ROBO1: variants seen among roughly 807,000 people sequenced by gnomAD.
ROBO1 encodes roundabout guidance receptor 1.
ROBO1 carries 149 observed loss-of-function variants against 195.9 expected under a neutral mutation model. That is an observed-to-expected ratio of 0.76 (90% CI 0.67 to 0.87). The LOEUF (loss-of-function observed/expected upper bound fraction) is 0.87. Ranked by LOEUF, ROBO1 falls within the 40% of genes least tolerant of loss-of-function variation. The pLI is 0.00. For synonymous variants in ROBO1, 816 were observed against 733.2 expected, an observed-to-expected ratio of 1.11 and a Z score of -1.82; for missense variants, 1,933 against 2,068.3, an observed-to-expected ratio of 0.93 and a Z score of 1.27.
rs148151926 is a variant in ROBO1 at position 78,651,619 on chromosome 3, T to C, written c.2812+113A>G. 405 of 786,130 alleles carry C rather than the reference T, an allele frequency of 5.2e-4. 2 individuals carry two copies. The highest frequency in any genetic ancestry group is 6.7e-4 in the Non-Finnish European group (349 of 524,306). The allele number at this position is 786,130 out of a possible 1,614,324, so 48.7% of individuals were successfully genotyped here. ...ATAAACGCACTTTTGAAAATCTTTATATATTAAAACAAGTTTTAGAGGATA... is the reference window on the plus strand; with the variant it reads ...ATAAACGCACTTTTGAAAATCTTTACATATTAAAACAAGTTTTAGAGGATA... On this transcript the variant is annotated intron_variant, in intron 19 of 30. Coordinates refer to ENST00000464233, the MANE Select transcript of ROBO1 (RefSeq NM_002941.4).
chr3:79,083,067 C>A (rs2079303683), intron 3 of ROBO1, among the ~76,000 whole-genome samples: 1 of 152,008 alleles, frequency 6.6e-6, no homozygotes, highest in South Asian at 2.1e-4. Flanking sequence ...TGTGGTGGTG[C>A]ATGCCTGTAG....
At chr3:79,322,661 T>C (rs1405292951) in intron 2 of ROBO1, among the ~76,000 whole-genome samples, 1 of 152,234 alleles carries the variant, frequency 6.6e-6, no homozygotes, top group African/African-American at 2.4e-5. Context: ...CTAATAATAG[T>C]AACCATTTGG....
intron 1 of ROBO1, among the ~76,000 whole-genome samples, chr3:79,609,230 T>G (rs1944581652): frequency 6.6e-6 from 1 of 151,810 alleles, no homozygotes; most frequent in Admixed American, 6.6e-5. Context: ...ATCACCATTT[T>G]CTACCACAAG....
intron 2 of ROBO1, among the ~76,000 whole-genome samples, chr3:79,173,024 G>T (rs1344960451): frequency 1.3e-5 from 2 of 152,152 alleles, no homozygotes; most frequent in African/African-American, 4.8e-5. Flanking sequence ...TAACACTGAA[G>T]GCTCTTTAAG....
intron 2 of ROBO1, among the ~76,000 whole-genome samples, chr3:79,414,134 A>AG (rs1377050346): frequency 1.3e-5 from 2 of 151,848 alleles, no homozygotes; most frequent in African/African-American, 2.4e-5. Context: ...AACTTTTCTT[A>AG]GGACTTATTC....
chr3:79,329,301 A>G (rs1427350427), intron 2 of ROBO1, among the ~76,000 whole-genome samples: 2 of 152,084 alleles, frequency 1.3e-5, no homozygotes, highest in African/African-American at 4.8e-5. Flanking sequence ...TCTCTCAAAC[A>G]TTTCTCAAGT....
intron 8 of ROBO1, among the ~76,000 whole-genome samples, chr3:78,698,169 T>C (rs752414756): frequency 2.6e-5 from 4 of 152,118 alleles, no homozygotes; most frequent in Non-Finnish European, 5.9e-5. Context: ...AAATAAAAAC[T>C]TTTGGAAGAA....
chr3:79,730,729 A>C (rs1490996767), intron 1 of ROBO1, among the ~76,000 whole-genome samples: 1 of 148,042 alleles, frequency 6.8e-6, no homozygotes, highest in Non-Finnish European at 1.5e-5. Context: ...TGAAACAGTA[A>C]TTTGTAATCA....
intron 5 of ROBO1, among the ~76,000 whole-genome samples, chr3:78,743,030 T>C (rs1028016948): frequency 6.6e-6 from 1 of 152,142 alleles, no homozygotes; most frequent in African/African-American, 2.4e-5. Context: ...ATAGTGATTT[T>C]AAATGGTGAA....
chr3:78,936,675 G>A (rs1380422445), intron 4 of ROBO1, among the ~76,000 whole-genome samples: 7 of 151,966 alleles, frequency 4.6e-5, no homozygotes, highest in Non-Finnish European at 8.8e-5. Flanking sequence ...GGGGGAGGGT[G>A]TGCATAGGTT....
At chr3:79,141,977 T>A (rs1419210135) in intron 2 of ROBO1, among the ~76,000 whole-genome samples, 3 of 152,144 alleles carry the variant, frequency 2.0e-5, no homozygotes, top group African/African-American at 4.8e-5. Flanking sequence ...TTTGTGGTTT[T>A]TTTTGTGGGG....
chr3:79,486,178 G>C (rs1315760012), intron 2 of ROBO1, among the ~76,000 whole-genome samples: 2 of 151,734 alleles, frequency 1.3e-5, no homozygotes, highest in African/African-American at 4.8e-5. Flanking sequence ...GTCTCACAAA[G>C]TATTGTCTTT....
chr3:79,441,581 T>C (rs578092760), intron 2 of ROBO1, among the ~76,000 whole-genome samples: 1 of 152,246 alleles, frequency 6.6e-6, no homozygotes, highest in East Asian at 1.9e-4. Context: ...AATAAGAGCA[T>C]ATGAAAAATT....
intron 2 of ROBO1, among the ~76,000 whole-genome samples, chr3:79,160,284 C>A: frequency 6.6e-6 from 1 of 150,948 alleles, no homozygotes; most frequent in African/African-American, 2.4e-5. Flanking sequence ...ATCAAACAAA[C>A]TTTTTTTTCA....
intron 5 of ROBO1, among the ~76,000 whole-genome samples, chr3:78,744,847 A>G (rs144432416): frequency 1.1e-3 from 173 of 152,138 alleles, no homozygotes; most frequent in Middle Eastern, 3.4e-3. Context: ...ACACTTATTT[A>G]TTTTGGTTTT....
chr3:79,107,181 T>C (rs1162586882), intron 3 of ROBO1, among the ~76,000 whole-genome samples: 2 of 149,136 alleles, frequency 1.3e-5, no homozygotes, highest in African/African-American at 4.9e-5. Context: ...AAAGGATAAT[T>C]ACAGTAGTTA....
chr3:79,066,426 T>A (rs555750259), intron 3 of ROBO1, among the ~76,000 whole-genome samples: 1 of 152,080 alleles, frequency 6.6e-6, no homozygotes, highest in South Asian at 2.1e-4. Context: ...TGCATTTTAT[T>A]TTACAAACAA....
At chr3:78,604,952 A>C (rs558150957) in intron 29 of ROBO1, among the ~76,000 whole-genome samples, 68 of 152,126 alleles carry the variant, frequency 4.5e-4, no homozygotes, top group Non-Finnish European at 8.4e-4. Context: ...ACAATCCTAA[A>C]ACATTTCCAC....
intron 4 of ROBO1, among the ~76,000 whole-genome samples, chr3:78,824,994 C>A (rs1168944147): frequency 6.6e-6 from 1 of 152,054 alleles, no homozygotes; most frequent in Non-Finnish European, 1.5e-5. Flanking sequence ...CTTTTTTTAA[C>A]CCTCTGTTAA....
Sources: allele counts gnomAD v4.1 joint callset (sites outside exome capture counted in the v4.1 genomes callset), GRCh38; gene constraint gnomAD v4.1.1; transcripts MANE v1.5; gene names NCBI Gene and HGNC (gene_info 2026-07-23, HGNC 2026-07-21).